GJA3: variants seen among roughly 807,000 people sequenced by gnomAD.
The protein encoded by GJA3 is gap junction protein alpha 3.
For synonymous variants in GJA3, 297 were observed against 292.6 expected, an observed-to-expected ratio of 1.02 and a Z score of -0.15; for missense variants, 571 against 620.3, an observed-to-expected ratio of 0.92 and a Z score of 0.84.
At chr13:20,158,912 C>CAAAAAAAAAAAAAAAAAAAAAAAAGAAA (rs1958921028) in intron 1 of GJA3, among the ~76,000 whole-genome samples, 1 of 54,980 alleles carries the variant, frequency 1.8e-5, no homozygotes, top group Non-Finnish European at 3.1e-5. Context: ...GCAAAACTCT[C>CAAAAAAAAAAAAAAAAAAAAAAAAGAAA]AAAAAAAAAA....
In GJA3 at chr13:20,158,598, G is replaced by A. The variant is rs371935423; in HGVS notation, c.-18+2292C>T. 1.7e-4 allele frequency among the ~76,000 whole-genome samples: 26 copies of A among 152,078 alleles called. No individual in the cohort carries two copies. In the South Asian group the frequency reaches 4.8e-3, roughly 28 times the overall value. The stretch of plus-strand genomic sequence containing the variant: ...ATTCACATCAACCATTACTTTTGGA[G>A]ATGTACAGGAGTTTTAAAAAAGCAA... On this transcript the variant is annotated intron_variant, in intron 1 of 1. Coordinates refer to ENST00000241125, the MANE Select transcript of GJA3 (RefSeq NM_021954.4).
At position 20,142,441 on chromosome 13, in the gene GJA3, C is replaced by G. The variant is rs1204382177; in HGVS notation, c.848G>C (p.Arg283Pro). Residue 283 changes from arginine (R) to proline (P), a missense_variant, in exon 2 of 2, where the codon CGC (arginine) becomes CCC (proline). By Grantham distance (103) the Arg-to-Pro change is moderately radical. Transcript: ENST00000241125. ...CGGGGCCCCGGGGTAGCCCACGGCG[C>G]GGGCCTGTCCCAGGGGCGCAGCGGT... is the stretch of plus-strand genomic sequence containing the variant. ...AHTAAPLGQA[R>P]AVGYPGAPPP... 5 of 1,511,688 alleles carry G rather than the reference C, an allele frequency of 3.3e-6. No homozygotes were observed. The highest frequency in any genetic ancestry group is 2.1e-5 in the Admixed American group (1 of 46,608). The allele number at this position is 1,511,688 out of a possible 1,614,324, so 93.6% of individuals were successfully genotyped here. A position where few individuals can be genotyped will look rare whatever the true frequency, so the allele number is the denominator to read the frequency against.
At chr13:20,147,735 A>G (rs1177177745) in intron 1 of GJA3, among the ~76,000 whole-genome samples, 2 of 152,224 alleles carry the variant, frequency 1.3e-5, no homozygotes, top group African/African-American at 2.4e-5. Context: ...AGCTTTTGAA[A>G]AAATCAGCTG....
At chr13:20,144,845 G>A (rs1409333013) in intron 1 of GJA3, among the ~76,000 whole-genome samples, 2 of 152,244 alleles carry the variant, frequency 1.3e-5, no homozygotes, top group Non-Finnish European at 2.9e-5. Context: ...TGAGGACACA[G>A]TCTCCAGTGG....
intron 1 of GJA3, 75 bp from the exon 2 acceptor site, chr13:20,143,380 G>GC: frequency 9.4e-7 from 1 of 1,069,152 alleles, no homozygotes; most frequent in Non-Finnish European, 1.3e-6. Context: ...GGCGGCGGCA[G>GC]CGGCCTGGAT....
chr13:20,152,316 C>T (rs903364853), intron 1 of GJA3, among the ~76,000 whole-genome samples: 168 of 32,914 alleles, frequency 5.1e-3, no homozygotes, highest in Non-Finnish European at 6.7e-3. Context: ...GTCTCTGGAA[C>T]GAGTCACAGC....
At chr13:20,155,435 G>C (rs1958902056) in intron 1 of GJA3, among the ~76,000 whole-genome samples, 1 of 151,988 alleles carries the variant, frequency 6.6e-6, no homozygotes, top group African/African-American at 2.4e-5. Context: ...ACATACGTAG[G>C]TTTACTGTTT....
At chr13:20,159,341 A>G (rs1958923900) in intron 1 of GJA3, among the ~76,000 whole-genome samples, 1 of 150,418 alleles carries the variant, frequency 6.6e-6, no homozygotes, top group African/African-American at 2.4e-5. Context: ...CATCCAGCGG[A>G]GGGAGGAAGA....
intron 1 of GJA3, among the ~76,000 whole-genome samples, chr13:20,148,296 C>T (rs1958855873): frequency 1.5e-5 from 2 of 135,250 alleles, no homozygotes; most frequent in South Asian, 2.3e-4. Context: ...CTCATTCTGT[C>T]GCTCAGGCTA....
At chr13:20,143,632 A>T (rs1474717774) in intron 1 of GJA3, among the ~76,000 whole-genome samples, 1 of 152,248 alleles carries the variant, frequency 6.6e-6, no homozygotes, top group African/African-American at 2.4e-5. Flanking sequence ...GCGGCCCCTT[A>T]GGCCACTTCT....
At chr13:20,155,238 T>C (rs987112638) in intron 1 of GJA3, among the ~76,000 whole-genome samples, 49 of 152,358 alleles carry the variant, frequency 3.2e-4, no homozygotes, top group African/African-American at 1.1e-3. Flanking sequence ...TATTTAAGAC[T>C]GGTTTCAGCT....
chr13:20,150,393 G>A (rs1037012118), intron 1 of GJA3, among the ~76,000 whole-genome samples: 6 of 151,952 alleles, frequency 3.9e-5, no homozygotes, highest in African/African-American at 1.5e-4. Context: ...GTGTGTGTGT[G>A]TGTGTGTGAA....
rs115771364 is a variant in GJA3 at position 20,149,420 on chromosome 13, G to A, written c.-17-6115C>T. On this transcript the variant is annotated intron_variant, in intron 1 of 1. Transcript: ENST00000241125. ...GGATCAATTGAGCCAGGGAAGTTGA[G>A]GCTGTAGTGAGCCATGATTGTGCCA... 4.7e-3 allele frequency among the ~76,000 whole-genome samples: 708 copies of A among 152,224 alleles called. 7 individuals carry two copies. The highest frequency in any genetic ancestry group is 0.015 in the African/African-American group (614 of 41,546).
At position 20,139,070 on chromosome 13, in the gene GJA3, C is replaced by T. The variant is rs933756836; in HGVS notation, c.*2911G>A. 12 of 151,664 alleles carry T rather than the reference C, an allele frequency of 7.9e-5. No homozygotes were observed. Among genetic ancestry groups the T allele is most frequent in the Non-Finnish European group, 1.5e-4 (10 of 67,936 alleles). 9.4% of individuals were successfully genotyped at this position (151,664 alleles called of 1,614,324 possible). A position where few individuals can be genotyped will look rare whatever the true frequency, so the allele number is the denominator to read the frequency against. On this transcript the variant is annotated 3_prime_UTR_variant, in exon 2 of 2. Transcript: ENST00000241125. ...TCTTTTGTAAATTTAAGGATTTATT[C>T]GTGTCAATTTTATTAAAAAATACAA...
rs890591641 is a variant in GJA3, at chr13:20,141,732, C to A, written c.*249G>T. 1 of 562,086 alleles carries A rather than the reference C, an allele frequency of 1.8e-6. No individual in the cohort carries two copies. The allele number at this position is 562,086 out of a possible 1,614,324, so 34.8% of individuals were successfully genotyped here. On this transcript the variant is annotated 3_prime_UTR_variant, in exon 2 of 2. Coordinates refer to ENST00000241125, the MANE Select transcript of GJA3 (RefSeq NM_021954.4). Reference sequence around the variant, plus strand: ...GGCTGCTGTGAAGATCTTAAAGGCCCACAACCCTTGTCCCCGCCACCCCCA... The same window carrying A: ...GGCTGCTGTGAAGATCTTAAAGGCCAACAACCCTTGTCCCCGCCACCCCCA...
Position 20,141,748 on chromosome 13 carries a change from G to A in GJA3, c.*233C>T, listed in dbSNP as rs1258761310. On this transcript the variant is annotated 3_prime_UTR_variant, in exon 2 of 2. Coordinates refer to ENST00000241125, the MANE Select transcript of GJA3 (RefSeq NM_021954.4). ...TTAAAGGCCCACAACCCTTGTCCCC[G>A]CCACCCCCAAACTCAGAAAGTGGGA... 10 of 602,606 alleles carry A rather than the reference G, an allele frequency of 1.7e-5. No individual in the cohort carries two copies. The highest frequency in any genetic ancestry group is 3.3e-5 in the Admixed American group (1 of 30,072). The allele number at this position is 602,606 out of a possible 1,614,324, so 37.3% of individuals were successfully genotyped here. A position where few individuals can be genotyped will look rare whatever the true frequency, so the allele number is the denominator to read the frequency against.
chr13:20,159,070 G>T (rs1958922488), intron 1 of GJA3, among the ~76,000 whole-genome samples: 1 of 151,960 alleles, frequency 6.6e-6, no homozygotes, highest in Non-Finnish European at 1.5e-5. Context: ...TACAGAAATT[G>T]CAGAAACATA....
intron 1 of GJA3, 36 bp downstream of exon 1, chr13:20,160,854 C>G (rs916735341): frequency 6.6e-6 from 1 of 151,222 alleles, no homozygotes; most frequent in South Asian, 2.0e-4. Flanking sequence ...CCCTCGGCCC[C>G]TGTGCCTGGC....
chr13:20,140,465 A>G lies in GJA3; in HGVS notation c.*1516T>C, dbSNP rs1423052553. 4.6e-5 allele frequency: 7 copies of G among 152,258 alleles called. No homozygotes were observed. Among genetic ancestry groups the G allele is most frequent in the Non-Finnish European group, 7.3e-5 (5 of 68,052 alleles). 9.4% of individuals were successfully genotyped at this position (152,258 alleles called of 1,614,324 possible). A position where few individuals can be genotyped will look rare whatever the true frequency, so the allele number is the denominator to read the frequency against. On this transcript the variant is annotated 3_prime_UTR_variant, in exon 2 of 2. Transcript: ENST00000241125. ...ATCATCGAGAAGTTAATTTATAAAA[A>G]GAAATGTATTACATTGGTCTCGCTG...
Sources: gnomAD v4.1 joint callset for allele counts (sites outside exome capture counted in the v4.1 genomes callset) on GRCh38, gnomAD v4.1.1 for gene constraint, MANE v1.5 for transcripts, NCBI Gene and HGNC (gene_info 2026-07-23, HGNC 2026-07-21) for gene names.